The following TRPM3 variants were observed in gnomAD, a reference collection of about 807,000 sequenced individuals.
TRPM3 encodes transient receptor potential cation channel subfamily M member 3.
Under a neutral mutation model 181.2 loss-of-function variants are expected in TRPM3, and 77 were observed. The ratio of observed to expected loss-of-function variants is 0.42; its 90% CI spans 0.35 to 0.51. TRPM3 has a LOEUF of 0.51. TRPM3 is among the 20% of genes least tolerant of loss of function. The pLI is 0.01. For synonymous variants in TRPM3, 745 were observed against 796.4 expected (o/e 0.94, Z 1.09); for missense variants, 1,759 against 2,196.7 (o/e 0.80, Z 3.98).
At chr9:70,777,733 G>A (rs112400553) in intron 7 of TRPM3, among the ~76,000 whole-genome samples, 5,174 of 152,096 alleles carry the variant, frequency 0.034, 90 homozygotes, top group Middle Eastern at 0.058. Context: ...ATAAGATTAT[G>A]TGTACATCTC....
intron 1 of TRPM3, among the ~76,000 whole-genome samples, chr9:71,377,110 A>G (rs569279500): frequency 6.6e-6 from 1 of 152,252 alleles, no homozygotes; most frequent in South Asian, 2.1e-4. Context: ...GTAAAACTGA[A>G]CAAACTTTTT....
chr9:70,971,456 C>T (rs75004325), intron 1 of TRPM3, among the ~76,000 whole-genome samples: 3,337 of 152,222 alleles, frequency 0.022, 64 homozygotes, highest in Middle Eastern at 0.061. Context: ...GGAACACTCT[C>T]TACCCACTAC....
intron 1 of TRPM3, among the ~76,000 whole-genome samples, chr9:71,067,655 A>G (rs558365923): frequency 3.9e-5 from 6 of 152,378 alleles, no homozygotes; most frequent in Admixed American, 6.5e-5. Flanking sequence ...GAGTTAATAT[A>G]TAAAGTACTT....
rs536187075 is a variant in TRPM3 at position 71,107,299 on chromosome 9, A to C, written c.177+13879T>G. ...GCGTCCTTGCCTTTGCCTGTACTGC[A>C]CCACTGTACTTAATCCTGAATAGTT... is the stretch of plus-strand genomic sequence containing the variant. On this transcript the variant is annotated intron_variant, in intron 1 of 25. Coordinates refer to ENST00000677713, the MANE Select transcript of TRPM3 (RefSeq NM_001366145.2). Among the ~76,000 whole-genome samples the C allele has an allele frequency of 8.1e-4, 124 of 152,196 alleles. 1 individual carries two copies. The highest frequency in any genetic ancestry group is 2.8e-3 in the African/African-American group (118 of 41,528).
intron 6 of TRPM3, among the ~76,000 whole-genome samples, chr9:70,801,328 T>C (rs2088943661): frequency 6.6e-6 from 1 of 152,154 alleles, no homozygotes; most frequent in Non-Finnish European, 1.5e-5. Context: ...TGCCCCTCCC[T>C]GGTTTCCTGG....
chr9:70,851,851 C>T (rs1381686486), intron 3 of TRPM3, among the ~76,000 whole-genome samples: 2 of 152,114 alleles, frequency 1.3e-5, no homozygotes, highest in African/African-American at 2.4e-5. Flanking sequence ...GGCGCAGTGA[C>T]TCACACCTGT....
At chr9:71,188,187 A>C (rs1315377967) in intron 1 of TRPM3, among the ~76,000 whole-genome samples, 1 of 151,860 alleles carries the variant, frequency 6.6e-6, no homozygotes, top group African/African-American at 2.4e-5. Context: ...CTTATGGTAA[A>C]TGTCAAATTG....
chr9:70,914,482 C>T (rs539012448), intron 1 of TRPM3, among the ~76,000 whole-genome samples: 1 of 152,250 alleles, frequency 6.6e-6, no homozygotes, highest in South Asian at 2.1e-4. Flanking sequence ...ATATGATGTG[C>T]CAAAAGAAAA....
chr9:70,777,226 T>C (rs1476567711), intron 7 of TRPM3, among the ~76,000 whole-genome samples: 1 of 152,154 alleles, frequency 6.6e-6, no homozygotes, highest in African/African-American at 2.4e-5. Flanking sequence ...CGACATTTGC[T>C]CTTTATGTTC....
chr9:71,204,721 C>G (rs1295977518), intron 1 of TRPM3, among the ~76,000 whole-genome samples: 1 of 152,044 alleles, frequency 6.6e-6, no homozygotes, highest in Non-Finnish European at 1.5e-5. Flanking sequence ...GGGTATATAC[C>G]CAAAGGACTA....
chr9:71,158,815 G>T (rs2076132466), intron 1 of TRPM3, among the ~76,000 whole-genome samples: 1 of 152,076 alleles, frequency 6.6e-6, no homozygotes. Context: ...CCTCGATGTG[G>T]GCTGGCATCA....
Position 71,116,682 on chromosome 9 carries a change from T to A in TRPM3, c.177+4496A>T, listed in dbSNP as rs576447098. On this transcript the variant is annotated intron_variant, in intron 1 of 25. Transcript: ENST00000677713. ...TGTTACCTACTTTAGGTAATACTTC[T>A]GTATCACAAAGAGAAAGGATAAAAA... 9.8e-5 allele frequency among the ~76,000 whole-genome samples: 15 copies of A among 152,302 alleles called. No individual in the cohort carries two copies. The East Asian group carries it at 2.5e-3, about 25-fold the overall frequency.
At position 71,434,251 on chromosome 9, in the gene TRPM3, GTGA is replaced by G. The variant is rs764112504; in HGVS notation, c.183+12399_183+12401del. On this transcript the variant is annotated intron_variant, in intron 1 of 24. Transcript: ENST00000357533. ...CATATGTTTAAACTTAGTTCCCAAG[GTGA>G]TGATATTAGGAGGTGGGGTCTTTGG... Among the ~76,000 whole-genome samples, 91 of 152,258 alleles carry G rather than the reference GTGA, an allele frequency of 6.0e-4. No individual in the cohort carries two copies. In the Middle Eastern group the frequency reaches 0.01, roughly 17 times the overall value.
chr9:71,351,689 C>G (rs1209326979), intron 1 of TRPM3, among the ~76,000 whole-genome samples: 1 of 152,108 alleles, frequency 6.6e-6, no homozygotes, highest in Admixed American at 6.5e-5. Flanking sequence ...CTATGATTTA[C>G]ATAACATTTT....
chr9:70,863,185 G>T (rs1384754649), intron 2 of TRPM3, 73 bp from the exon 3 acceptor site: 1 of 1,325,504 alleles, frequency 7.5e-7, no homozygotes, highest in Non-Finnish European at 1.1e-6. Flanking sequence ...GCAACCAGCT[G>T]GAGAAATCTA....
intron 1 of TRPM3, among the ~76,000 whole-genome samples, chr9:71,011,392 A>AC (rs2097737317): frequency 6.6e-6 from 1 of 152,198 alleles, no homozygotes; most frequent in Non-Finnish European, 1.5e-5. Context: ...TTGAAAAAGC[A>AC]CACTGTACCC....
At chr9:71,349,621 TA>T (rs2091486875) in intron 1 of TRPM3, among the ~76,000 whole-genome samples, 1 of 152,250 alleles carries the variant, frequency 6.6e-6, no homozygotes, top group South Asian at 2.1e-4. Context: ...CATGTAAAGT[TA>T]ATGAATGCTC....
At chr9:71,438,316 A>T (rs939717190) in intron 1 of TRPM3, among the ~76,000 whole-genome samples, 2 of 152,214 alleles carry the variant, frequency 1.3e-5, no homozygotes, top group Non-Finnish European at 2.9e-5. Flanking sequence ...TTCTAACTTA[A>T]TATCTGTGGG....
intron 1 of TRPM3, among the ~76,000 whole-genome samples, chr9:71,069,751 G>T (rs2133510269): frequency 6.6e-6 from 1 of 151,970 alleles, no homozygotes; most frequent in South Asian, 2.1e-4. Flanking sequence ...TAGGATTACA[G>T]GTACACACCA....
Sources: gnomAD v4.1 joint callset for allele counts (sites outside exome capture counted in the v4.1 genomes callset) on GRCh38, gnomAD v4.1.1 for gene constraint, MANE v1.5 for transcripts, NCBI Gene and HGNC (gene_info 2026-07-23, HGNC 2026-07-21) for gene names.